The following ARMC3 variants were observed in gnomAD, a reference collection of about 807,000 sequenced individuals.
The protein encoded by ARMC3 is armadillo repeat-containing protein 3.
In ARMC3, 74 loss-of-function variants were observed where a neutral mutation model predicts 90.3. The ratio of observed to expected loss-of-function variants is 0.82; its 90% CI spans 0.68 to 0.99. ARMC3 has a LOEUF of 0.99. Among genes scored for constraint, ARMC3 ranks in the 50% least tolerant of loss-of-function variants. The pLI is 0.00. For missense variants in ARMC3, 958 were observed against 1,042.8 expected, an observed-to-expected ratio of 0.92 and a Z score of 1.12; for synonymous variants, 334 against 361.8, an observed-to-expected ratio of 0.92 and a Z score of 0.87.
intron 8 of ARMC3, among the ~76,000 whole-genome samples, chr10:22,970,826 C>G (rs1264537024): frequency 6.6e-6 from 1 of 152,164 alleles, no homozygotes; most frequent in African/African-American, 2.4e-5. Context: ...AACTGAAGAA[C>G]TCAAGAAGGG....
intron 16 of ARMC3, among the ~76,000 whole-genome samples, chr10:23,012,362 C>G: frequency 6.6e-6 from 1 of 152,134 alleles, no homozygotes; most frequent in South Asian, 2.1e-4. Flanking sequence ...TCTTCTCATC[C>G]TTTGCAATAC....
rs1835305409 is a variant in ARMC3, at chr10:22,963,831, A to C, written c.732+1753A>C. On this transcript the variant is annotated intron_variant, in intron 7 of 18. Transcript: ENST00000298032. ...CTTGAACCCGTGAGTCGGAGGTTGCAGTGAGCTGAGATCGCACCACTGCAC... is the reference window on the plus strand; with the variant it reads ...CTTGAACCCGTGAGTCGGAGGTTGCCGTGAGCTGAGATCGCACCACTGCAC... Among the ~76,000 whole-genome samples, 2 of 137,396 alleles carry C rather than the reference A, an allele frequency of 1.5e-5. 1 individual carries two copies. The highest frequency in any genetic ancestry group is 5.0e-4 in the South Asian group (2 of 3,990). 90.1% of individuals were successfully genotyped at this position (137,396 alleles called of 152,430 possible). A position where few individuals can be genotyped will look rare whatever the true frequency, so the allele number is the denominator to read the frequency against.
At chr10:23,029,101 C>T (rs1423793033) in intron 16 of ARMC3, among the ~76,000 whole-genome samples, 1 of 152,070 alleles carries the variant, frequency 6.6e-6, no homozygotes, top group Admixed American at 6.6e-5. Flanking sequence ...TCACAGGATT[C>T]CTTATGGGCT....
chr10:23,002,513 C>T (rs1411074433), intron 12 of ARMC3, among the ~76,000 whole-genome samples: 1 of 152,060 alleles, frequency 6.6e-6, no homozygotes, highest in African/African-American at 2.4e-5. Flanking sequence ...GCCTTTAACA[C>T]ATCAGCTAAT....
intron 8 of ARMC3, among the ~76,000 whole-genome samples, 197 bp downstream of exon 8, chr10:22,968,686 G>C (rs1835551307): frequency 6.6e-6 from 1 of 152,036 alleles, no homozygotes; most frequent in Admixed American, 6.6e-5. Context: ...ATTTTTTGTA[G>C]AGACAGGGTT....
At chr10:23,009,044 A>C in intron 16 of ARMC3, 113 bp downstream of exon 16, 9 of 739,384 alleles carry the variant, frequency 1.2e-5, no homozygotes, top group Non-Finnish European at 2.0e-5. Context: ...GGCAAGACTC[A>C]TGAGATGAAA....
intron 2 of ARMC3, among the ~76,000 whole-genome samples, chr10:22,943,615 T>C: frequency 6.6e-6 from 1 of 152,122 alleles, no homozygotes; most frequent in African/African-American, 2.4e-5. Flanking sequence ...TTATAAATCA[T>C]CATCACTTCA....
chr10:23,006,776 G>T, intron 13 of ARMC3, 108 bp from the exon 14 acceptor site: 1 of 841,910 alleles, frequency 1.2e-6, no homozygotes, highest in South Asian at 1.4e-5. Flanking sequence ...GTGTTTGTGT[G>T]TGTGAAATGA....
At chr10:22,986,160 C>G (rs919281103) in intron 10 of ARMC3, among the ~76,000 whole-genome samples, 1 of 148,492 alleles carries the variant, frequency 6.7e-6, no homozygotes, top group African/African-American at 2.5e-5. Flanking sequence ...AAGGGAGCAG[C>G]CTTCATCTAT....
intron 14 of ARMC3, among the ~76,000 whole-genome samples, chr10:23,008,004 T>C (rs1178502458): frequency 6.6e-6 from 1 of 152,088 alleles, no homozygotes; most frequent in Non-Finnish European, 1.5e-5. Flanking sequence ...CTTGGGGGAC[T>C]GAGGTGGGAG....
chr10:22,972,751 T>C (rs1224562747), intron 8 of ARMC3, among the ~76,000 whole-genome samples: 1 of 152,220 alleles, frequency 6.6e-6, no homozygotes, highest in Admixed American at 6.5e-5. Context: ...CTCTTGTTTA[T>C]TATACCCTCC....
chr10:22,946,195 C>T lies in ARMC3; in HGVS notation c.100C>T (p.Leu34Phe). The change falls in exon 3 of 19, where the codon CTT becomes TTT. Residue 34 changes from leucine to phenylalanine, a missense_variant. Coordinates refer to ENST00000298032, the MANE Select transcript of ARMC3 (RefSeq NM_173081.5). ...AAAAGCAGCAACTGTGGTGTTAATG[C>T]TTAATTCTCCAGAAGAGGAAATTTT... The part of the protein sequence containing the change: ...SKKAATVVLM[L>F]NSPEEEILAK... 1.9e-6 allele frequency: 3 copies of T among 1,613,206 alleles called. No homozygotes were observed. Among genetic ancestry groups the T allele is most frequent in the African/African-American group, 1.3e-5 (1 of 75,018 alleles).
intron 16 of ARMC3, among the ~76,000 whole-genome samples, chr10:23,024,399 TAGA>T (rs1355635524): frequency 1.6e-5 from 2 of 122,146 alleles, no homozygotes; most frequent in Non-Finnish European, 3.9e-5. Context: ...GCCACATAGA[TAGA>T]TAGATAGATA....
chr10:22,985,360 C>T (rs932427099), intron 10 of ARMC3, among the ~76,000 whole-genome samples: 2 of 152,110 alleles, frequency 1.3e-5, no homozygotes, highest in Non-Finnish European at 1.5e-5. Flanking sequence ...TTCAGGGGGG[C>T]AGCTCCTTTG....
chr10:22,952,280 A>T (rs1834765115), intron 3 of ARMC3, among the ~76,000 whole-genome samples: 2 of 152,218 alleles, frequency 1.3e-5, no homozygotes, highest in Non-Finnish European at 2.9e-5. Context: ...AATAAAAATG[A>T]TAAACCTCGA....
At chr10:22,998,069 T>G in intron 10 of ARMC3, 79 bp from the exon 11 acceptor site, 6 of 1,480,208 alleles carry the variant, frequency 4.1e-6, no homozygotes, top group South Asian at 1.3e-5. Context: ...CTCATTTGTT[T>G]TAGCAGCTTA....
At chr10:22,960,336 A>G (rs966980959) in intron 6 of ARMC3, 2 of 153,090 alleles carry the variant, frequency 1.3e-5, no homozygotes, top group African/African-American at 4.8e-5. Context: ...GAGATACCAA[A>G]ACGAGAGTGA....
chr10:23,025,515 A>G (rs991505150), intron 16 of ARMC3, among the ~76,000 whole-genome samples: 2 of 152,186 alleles, frequency 1.3e-5, no homozygotes, highest in Admixed American at 6.6e-5. Context: ...ATAAAAGGAC[A>G]TCTCAAAAAA....
intron 18 of ARMC3, among the ~76,000 whole-genome samples, chr10:23,036,488 A>C (rs1050015433): frequency 6.6e-6 from 1 of 152,186 alleles, no homozygotes; most frequent in African/African-American, 2.4e-5. Context: ...CTGGACAGAT[A>C]ATTGACTTCA....
Sources: gnomAD v4.1 joint callset for allele counts (sites outside exome capture counted in the v4.1 genomes callset) on GRCh38, gnomAD v4.1.1 for gene constraint, MANE v1.5 for transcripts, NCBI Gene and HGNC (gene_info 2026-07-23, HGNC 2026-07-21) for gene names.